Variants in CTBP2 observed in about 807,000 individuals in gnomAD.
CTBP2 encodes C-terminal binding protein 2, also known as C-terminal-binding protein 2.
In CTBP2, 30 loss-of-function variants were observed where a neutral mutation model predicts 80.3. The ratio of observed to expected loss-of-function variants is 0.37; its 90% CI spans 0.28 to 0.51. The LOEUF (loss-of-function observed/expected upper bound fraction) is 0.51, where lower values mean the gene tolerates loss of function less well. Among genes scored for constraint, CTBP2 ranks in the 20% least tolerant of loss-of-function variants. CTBP2 has a pLI of 0.93. For missense variants in CTBP2, 1,212 were observed against 1,375.3 expected (o/e 0.88, Z 1.88); for synonymous variants, 594 against 587.4 (o/e 1.01, Z -0.16).
chr10:125,015,893 T>A (rs1278193925), intron 1 of CTBP2, among the ~76,000 whole-genome samples: 2 of 152,212 alleles, frequency 1.3e-5, no homozygotes, highest in African/African-American at 4.8e-5. Flanking sequence ...TGGCAGCGTG[T>A]CCAGTGTGGA....
chr10:125,151,101 G>A (rs1859767910), intron 1 of CTBP2, among the ~76,000 whole-genome samples: 1 of 152,100 alleles, frequency 6.6e-6, no homozygotes, highest in Non-Finnish European at 1.5e-5. Flanking sequence ...TCAAGAAATG[G>A]TTGCTCTCTA....
chr10:125,093,096 A>G (rs12771549), intron 2 of CTBP2, among the ~76,000 whole-genome samples: 1,763 of 152,252 alleles, frequency 0.012, 24 homozygotes, highest in Non-Finnish European at 0.016. Context: ...AGCCCCCTTC[A>G]TCTGCACTGT....
intron 2 of CTBP2, among the ~76,000 whole-genome samples, chr10:125,105,594 C>T (rs1003523682): frequency 2.6e-5 from 4 of 152,160 alleles, no homozygotes; most frequent in African/African-American, 9.7e-5. Context: ...TACACTTGAA[C>T]CTGGCAGATC....
chr10:125,026,938 T>A lies in CTBP2; in HGVS notation c.822A>T (p.Glu274Asp). Residue 274 changes from glutamate to aspartate, a missense_variant, in exon 1 of 9, where the codon GAA becomes GAT. Physicochemically the swap from Glu to Asp is conservative, Grantham distance 45. Coordinates refer to ENST00000309035, the MANE Select transcript of CTBP2 (RefSeq NM_022802.3). ...GACCCTGGAAGGTGGACAGGTCAGC[T>A]TCGTAAGTCTCGTAAGCCATCTTGG... The A allele has an allele frequency of 6.2e-7, 1 of 1,614,074 alleles. No individual in the cohort carries two copies. The highest frequency in any genetic ancestry group is 8.5e-7 in the Non-Finnish European group (1 of 1,180,012).
chr10:125,154,011 C>T (rs1042388099), intron 1 of CTBP2, among the ~76,000 whole-genome samples: 3 of 152,188 alleles, frequency 2.0e-5, no homozygotes, highest in Admixed American at 6.5e-5. Context: ...TCTGCCACAA[C>T]GTGGGCTGGA....
chr10:125,054,410 G>A (rs1963440699), intron 2 of CTBP2, among the ~76,000 whole-genome samples: 1 of 152,104 alleles, frequency 6.6e-6, no homozygotes, highest in African/African-American at 2.4e-5. Context: ...GAGACCCACG[G>A]AACAGGAAAC....
chr10:125,086,613 TAAAAAAAAAAAA>T (rs66522424), intron 2 of CTBP2, among the ~76,000 whole-genome samples: 2 of 116,434 alleles, frequency 1.7e-5, no homozygotes, highest in Admixed American at 9.8e-5. Flanking sequence ...AAATTTTATT[TAAAAAAAAAAAA>T]AAAAAAAAAA....
At chr10:125,063,148 C>A (rs1241499992) in intron 2 of CTBP2, among the ~76,000 whole-genome samples, 2 of 152,232 alleles carry the variant, frequency 1.3e-5, no homozygotes, top group Non-Finnish European at 1.5e-5. Flanking sequence ...AAATGGCCAT[C>A]ATTGGTGGAA....
At chr10:125,022,724 G>A (rs1957175569) in intron 1 of CTBP2, among the ~76,000 whole-genome samples, 1 of 152,228 alleles carries the variant, frequency 6.6e-6, no homozygotes, top group South Asian at 2.1e-4. Flanking sequence ...GGTCTGCAGG[G>A]CCAGCCTGGG....
At chr10:125,085,531 C>A (rs1414677459) in intron 2 of CTBP2, among the ~76,000 whole-genome samples, 1 of 152,328 alleles carries the variant, frequency 6.6e-6, no homozygotes, top group South Asian at 2.1e-4. Context: ...GAGACAATTT[C>A]CATCCCAGGC....
chr10:125,026,895 C>T lies in CTBP2; in HGVS notation c.865G>A (p.Val289Met), dbSNP rs375685611. 51 of 1,613,892 alleles carry T rather than the reference C, an allele frequency of 3.2e-5. No individual in the cohort carries two copies. The highest frequency in any genetic ancestry group is 1.6e-4 in the Middle Eastern group (1 of 6,084). The change falls in exon 1 of 9, where the codon GTG becomes ATG. Residue 289 changes from valine (V) to methionine (M), a missense_variant. Transcript: ENST00000309035. ...AGAAAGGCCAGGAACTCAGGGAGCA[C>T]GGTCCTCTTGCCACCAGGACCCTGG... is the stretch of plus-strand genomic sequence containing the variant.
At chr10:125,006,449 T>G (rs190601271) in intron 1 of CTBP2, among the ~76,000 whole-genome samples, 38 of 152,222 alleles carry the variant, frequency 2.5e-4, no homozygotes, top group African/African-American at 7.0e-4. Flanking sequence ...AGCACCATCT[T>G]CCAAGTGCTC....
intron 1 of CTBP2, among the ~76,000 whole-genome samples, chr10:125,144,765 C>G (rs1413411283): frequency 6.6e-5 from 10 of 152,372 alleles, no homozygotes; most frequent in Non-Finnish European, 1.2e-4. Flanking sequence ...TGGCATCCAT[C>G]TTTGACTTGT....
At chr10:125,113,099 C>A (rs1383816575) in intron 1 of CTBP2, among the ~76,000 whole-genome samples, 3 of 152,224 alleles carry the variant, frequency 2.0e-5, no homozygotes, top group African/African-American at 7.2e-5. Flanking sequence ...TCACTCCCAA[C>A]TGTACACCAC....
In CTBP2 at chr10:125,052,201, T is replaced by A. The variant is rs537488839; in HGVS notation, c.-101-13046A>T. 1.2e-4 allele frequency among the ~76,000 whole-genome samples: 19 copies of A among 152,300 alleles called. No homozygotes were observed. The South Asian group carries it at 3.9e-3, about 32-fold the overall frequency. On this transcript the variant is annotated intron_variant, in intron 2 of 10. Coordinates refer to the CTBP2 transcript ENST00000337195. ...GTTGTGATGCAGGGGCAGCAATCTG[T>A]GCAGAATCCTGGCTTTATTAAAAAG...
chr10:125,026,751 C>A lies in CTBP2; in HGVS notation c.1009G>T (p.Gly337Cys), dbSNP rs201311666. The A allele has an allele frequency of 6.0e-5, 97 of 1,612,992 alleles. No homozygotes were observed. Reference sequence around the variant, plus strand: ...AGGCGGCTCAGAACACGGGCCTGGCCCAGGTTGGGTGCGACAGACTTGATA... The same window carrying A: ...AGGCGGCTCAGAACACGGGCCTGGCACAGGTTGGGTGCGACAGACTTGATA... Residue 337 changes from glycine (G) to cysteine (C), a missense_variant, in exon 1 of 9, where the codon GGC becomes TGC. Physicochemically the swap from Gly to Cys is radical, Grantham distance 159 (BLOSUM62 -3). Coordinates refer to ENST00000309035, the MANE Select transcript of CTBP2 (RefSeq NM_022802.3).
At chr10:125,007,169 G>A (rs992553935) in intron 1 of CTBP2, among the ~76,000 whole-genome samples, 2 of 152,220 alleles carry the variant, frequency 1.3e-5, no homozygotes, top group Admixed American at 6.5e-5. Context: ...GACACATCAC[G>A]GAAATGACAT....
intron 2 of CTBP2, among the ~76,000 whole-genome samples, chr10:125,039,780 C>T (rs555695860): frequency 3.3e-5 from 5 of 152,316 alleles, no homozygotes; most frequent in Middle Eastern, 3.4e-3. Context: ...TGGAGGGGAC[C>T]GCAGTCAGCA....
At chr10:125,049,041 CCACAGACACACA>C (rs1347730567) in intron 2 of CTBP2, among the ~76,000 whole-genome samples, 29 of 112,416 alleles carry the variant, frequency 2.6e-4, no homozygotes, top group African/African-American at 9.1e-4. Context: ...GCCCGCCTGA[CCACAGACACACA>C]CACACACACA....
Sources: gnomAD v4.1 joint callset for allele counts (sites outside exome capture counted in the v4.1 genomes callset) on GRCh38, gnomAD v4.1.1 for gene constraint, MANE v1.5 for transcripts, NCBI Gene and HGNC (gene_info 2026-07-23, HGNC 2026-07-21) for gene names.